MACROD2: variants seen among roughly 807,000 people sequenced by gnomAD.
MACROD2 encodes the protein mono-ADP ribosylhydrolase 2.
In MACROD2, 36 loss-of-function variants were observed where a neutral mutation model predicts 70.4. The observed-to-expected ratio is 0.51, with a 90% CI of 0.39 to 0.68. The LOEUF is 0.68. Among genes scored for constraint, MACROD2 ranks in the 30% least tolerant of loss-of-function variants. The pLI is 0.00. For synonymous variants in MACROD2, 172 were observed against 178.8 expected, an observed-to-expected ratio of 0.96 and a Z score of 0.30; for missense variants, 496 against 538.4, an observed-to-expected ratio of 0.92 and a Z score of 0.78.
At chr20:15,944,283 AC>A (rs1312803022) in intron 12 of MACROD2, among the ~76,000 whole-genome samples, 2 of 152,166 alleles carry the variant, frequency 1.3e-5, no homozygotes, top group African/African-American at 2.4e-5. Flanking sequence ...TGTTTATTAC[AC>A]AAAAAAAATA....
At chr20:15,909,547 G>A (rs1426690820) in intron 10 of MACROD2, among the ~76,000 whole-genome samples, 10 of 126,010 alleles carry the variant, frequency 7.9e-5, no homozygotes, top group African/African-American at 2.7e-4. Flanking sequence ...TTTTTGAGAC[G>A]GAGTCTCTCT....
At chr20:15,138,362 G>A (rs1052753218) in intron 5 of MACROD2, among the ~76,000 whole-genome samples, 1 of 152,114 alleles carries the variant, frequency 6.6e-6, no homozygotes, top group African/African-American at 2.4e-5. Context: ...CATAGTTACA[G>A]TATTTATGAA....
intron 5 of MACROD2, among the ~76,000 whole-genome samples, chr20:15,193,720 C>T (rs1275960617): frequency 6.6e-6 from 1 of 151,916 alleles, no homozygotes; most frequent in African/African-American, 2.4e-5. Context: ...CTCCCACCCT[C>T]ATCCTCTCAT....
At chr20:14,765,934 A>G (rs562455407) in intron 5 of MACROD2, among the ~76,000 whole-genome samples, 1 of 152,166 alleles carries the variant, frequency 6.6e-6, no homozygotes, top group South Asian at 2.1e-4. Context: ...CAGAAGTTAA[A>G]TGGCCTAGAG....
At chr20:14,026,678 C>T (rs1484803841) in intron 2 of MACROD2, among the ~76,000 whole-genome samples, 1 of 152,176 alleles carries the variant, frequency 6.6e-6, no homozygotes, top group African/African-American at 2.4e-5. Flanking sequence ...GGCCCCCACT[C>T]TCTTCTGGCT....
chr20:16,046,003 GA>G (rs1601377266), intron 17 of MACROD2, among the ~76,000 whole-genome samples: 4 of 149,618 alleles, frequency 2.7e-5, no homozygotes, highest in Non-Finnish European at 3.0e-5. Context: ...AAAAAAAAAA[GA>G]AAAAAACCTA....
At chr20:14,146,186 G>A (rs1029485118) in intron 3 of MACROD2, among the ~76,000 whole-genome samples, 10 of 152,094 alleles carry the variant, frequency 6.6e-5, no homozygotes, top group Admixed American at 5.9e-4. Flanking sequence ...GCCGGGCGTG[G>A]TGGCGCCTGT....
rs554068920 is a variant in MACROD2, at chr20:15,349,398, G to GT, written c.541-82001dup. On this transcript the variant is annotated intron_variant, in intron 6 of 17. Coordinates refer to ENST00000684519, the MANE Select transcript of MACROD2 (RefSeq NM_001351661.2). ...TTTGTGGGGACACTAATCTTTTACA[G>GT]TTTTTTCTCTCCCATTAGTTTGAAA... Among the ~76,000 whole-genome samples, 75 of 152,184 alleles carry GT rather than the reference G, an allele frequency of 4.9e-4. No individual in the cohort carries two copies. The East Asian group carries it at 9.1e-3, about 18-fold the overall frequency.
chr20:14,092,939 C>T (rs550683277), intron 3 of MACROD2, among the ~76,000 whole-genome samples: 9 of 152,140 alleles, frequency 5.9e-5, no homozygotes, highest in East Asian at 1.9e-4. Context: ...GCCAGTTTTC[C>T]GCTGAAAAGC....
intron 8 of MACROD2, among the ~76,000 whole-genome samples, chr20:15,550,449 C>T (rs1402153435): frequency 4.6e-5 from 7 of 151,888 alleles, no homozygotes; most frequent in South Asian, 2.1e-4. Context: ...CAGTATATCC[C>T]ATCAGGAGAT....
chr20:14,556,315 A>G (rs1286626249), intron 4 of MACROD2, among the ~76,000 whole-genome samples: 7 of 152,182 alleles, frequency 4.6e-5, no homozygotes, highest in African/African-American at 1.4e-4. Context: ...AAGTCTCTCA[A>G]AGATCAAAAG....
intron 5 of MACROD2, among the ~76,000 whole-genome samples, chr20:15,207,299 C>T (rs1466620477): frequency 1.3e-5 from 2 of 152,038 alleles, no homozygotes; most frequent in Admixed American, 1.3e-4. Context: ...GTCTTCATTT[C>T]CCCCTTCATT....
chr20:15,739,816 A>G (rs552176441), intron 8 of MACROD2, among the ~76,000 whole-genome samples: 112 of 152,352 alleles, frequency 7.4e-4, no homozygotes, highest in Non-Finnish European at 1.3e-3. Context: ...AACATTTTGG[A>G]GGAAGTTAAA....
intron 2 of MACROD2, among the ~76,000 whole-genome samples, chr20:14,004,344 A>G (rs1239127966): frequency 6.6e-6 from 1 of 152,214 alleles, no homozygotes; most frequent in Non-Finnish European, 1.5e-5. Context: ...AGTGGTTACA[A>G]CTGCTCTGTG....
In MACROD2 at chr20:14,322,175, AATATATATAT is replaced by A. The variant is rs374464781; in HGVS notation, c.272-171287_272-171278del. On this transcript the variant is annotated intron_variant, in intron 3 of 17. Coordinates refer to ENST00000684519, the MANE Select transcript of MACROD2 (RefSeq NM_001351661.2). Reference sequence around the variant, plus strand: ...GACTTGTATCTTGATATTCTATTGAAATATATATATATATATATATATATATTTTGTATTT... The same window carrying A: ...GACTTGTATCTTGATATTCTATTGAAATATATATATATATATTTTGTATTT... Among the ~76,000 whole-genome samples the A allele has an allele frequency of 2.6e-4, 17 of 66,376 alleles. 1 individual carries two copies. Among genetic ancestry groups the A allele is most frequent in the South Asian group, 4.4e-4 (1 of 2,254 alleles). 43.5% of individuals were successfully genotyped at this position (66,376 alleles called of 152,430 possible). A position where few individuals can be genotyped will look rare whatever the true frequency, so the allele number is the denominator to read the frequency against.
At chr20:15,561,270 A>T (rs1307873019) in intron 8 of MACROD2, among the ~76,000 whole-genome samples, 1 of 152,256 alleles carries the variant, frequency 6.6e-6, no homozygotes. Flanking sequence ...TTATGCAATT[A>T]GCTTTCTCGC....
At chr20:15,383,993 C>G (rs887216517) in intron 6 of MACROD2, among the ~76,000 whole-genome samples, 5 of 151,980 alleles carry the variant, frequency 3.3e-5, no homozygotes, top group African/African-American at 1.2e-4. Flanking sequence ...TGTACTTCTA[C>G]TTTGTCAAAA....
At chr20:15,678,541 A>C (rs971778057) in intron 8 of MACROD2, among the ~76,000 whole-genome samples, 1 of 152,060 alleles carries the variant, frequency 6.6e-6, no homozygotes, top group Non-Finnish European at 1.5e-5. Flanking sequence ...TTGTATTTTT[A>C]GTAGAGACGA....
intron 6 of MACROD2, among the ~76,000 whole-genome samples, chr20:15,403,214 C>T (rs1032197159): frequency 1.3e-5 from 2 of 152,118 alleles, no homozygotes; most frequent in African/African-American, 2.4e-5. Flanking sequence ...GTGATCCACC[C>T]GCCTCAGCCT....
Sources: allele counts gnomAD v4.1 joint callset (sites outside exome capture counted in the v4.1 genomes callset), GRCh38; gene constraint gnomAD v4.1.1; transcripts MANE v1.5; gene names NCBI Gene and HGNC (gene_info 2026-07-23, HGNC 2026-07-21).